Variants in SCAANT1 observed in about 807,000 individuals in gnomAD.
SCAANT1 encodes the protein SCA7/ATXN7 antisense RNA 1.
chr3:63,912,056 G>A (rs1205894226), upstream of SCAANT1: 1 of 152,288 alleles, frequency 6.6e-6, no homozygotes, highest in Non-Finnish European at 1.5e-5. Context: ...CCGGCAAGTG[G>A]GAGGAGGCGG....
At chr3:63,911,894 AG>A (rs1372961763), upstream of SCAANT1, 1 of 152,258 alleles carries the variant, frequency 6.6e-6, no homozygotes, top group Non-Finnish European at 1.5e-5. Context: ...CCGCAAGCCG[AG>A]GGCAAAGTGC....
upstream of SCAANT1, chr3:63,912,039 G>A (rs1250613634): frequency 6.6e-6 from 1 of 152,326 alleles, no homozygotes; most frequent in African/African-American, 2.4e-5. Context: ...GAGCTGAGAG[G>A]GAGGGACCGG....
chr3:63,911,792 A>C (rs975792293), upstream of SCAANT1: 1 of 152,178 alleles, frequency 6.6e-6, no homozygotes, highest in Non-Finnish European at 1.5e-5. Context: ...GACACCTGGG[A>C]GGCACTTCCC....
At chr3:63,912,116 G>T (rs897732145), upstream of SCAANT1, 1 of 152,236 alleles carries the variant, frequency 6.6e-6, no homozygotes. Context: ...CCGCTCGGAC[G>T]GACGCGCGGA....
chr3:63,912,282 G>A (rs1397899311), upstream of SCAANT1: 4 of 152,038 alleles, frequency 2.6e-5, no homozygotes, highest in African/African-American at 9.7e-5. Context: ...GCTGGCCTCC[G>A]CGCCAGGTCC....
chr3:63,912,011 T>G (rs1268984034), upstream of SCAANT1: 2 of 152,130 alleles, frequency 1.3e-5, no homozygotes, highest in East Asian at 3.9e-4. Context: ...GGGCTTGACG[T>G]GCAAACTTCG....
At chr3:63,912,110 TCGGACGGACGCG>T (rs1486944224), upstream of SCAANT1, 1 of 151,968 alleles carries the variant, frequency 6.6e-6, no homozygotes, top group Non-Finnish European at 1.5e-5. Flanking sequence ...GTGCCGCCGC[TCGGACGGACGCG>T]CGGACGGAAG....
chr3:63,911,755 A>G (rs1032877695), exon 1 of SCAANT1: 8 of 152,228 alleles, frequency 5.3e-5, no homozygotes, highest in African/African-American at 1.7e-4. Context: ...TGGCGTGCAC[A>G]CGGTACTTCG....
At chr3:63,911,800 C>G (rs1338846430), upstream of SCAANT1, 1 of 152,288 alleles carries the variant, frequency 6.6e-6, no homozygotes, top group Non-Finnish European at 1.5e-5. Flanking sequence ...GGAGGCACTT[C>G]CCCGCTAGCC....
At chr3:63,911,732 CAT>C (rs1045446355) in exon 1 of SCAANT1, 3 of 152,324 alleles carry the variant, frequency 2.0e-5, no homozygotes, top group Non-Finnish European at 4.4e-5. Flanking sequence ...CGGGGGCACA[CAT>C]GTGGGCGGCG....
At chr3:63,911,949 C>G (rs887780467), upstream of SCAANT1, 2 of 152,520 alleles carry the variant, frequency 1.3e-5, no homozygotes, top group Admixed American at 6.5e-5. Context: ...GCCGGCCGGC[C>G]GGCTCCTCCA....
At chr3:63,911,959 A>G (rs1010089253), upstream of SCAANT1, 1 of 152,100 alleles carries the variant, frequency 6.6e-6, no homozygotes, top group Non-Finnish European at 1.5e-5. Flanking sequence ...CGGCTCCTCC[A>G]TAGGTGGCTG....
At chr3:63,912,087 G>A (rs1704041012), upstream of SCAANT1, 1 of 152,224 alleles carries the variant, frequency 6.6e-6, no homozygotes, top group East Asian at 1.9e-4. Flanking sequence ...CTCCGCTTAA[G>A]GGAGCCGGCC....
At chr3:63,911,811 C>G (rs985440147), upstream of SCAANT1, 1 of 152,272 alleles carries the variant, frequency 6.6e-6, no homozygotes, top group African/African-American at 2.4e-5. Context: ...CCCGCTAGCC[C>G]AAGGTTCCCT....
upstream of SCAANT1, chr3:63,911,872 C>T (rs1704025733): frequency 6.6e-6 from 1 of 152,396 alleles, no homozygotes; most frequent in Admixed American, 6.5e-5. Context: ...CTTTTGACAA[C>T]TCTGCGGCCG....
At chr3:63,912,323 C>G (rs1704054890), upstream of SCAANT1, 1 of 152,646 alleles carries the variant, frequency 6.6e-6, no homozygotes, top group South Asian at 2.1e-4. Flanking sequence ...GGACCCAGCG[C>G]CGCGGTGGCG....
At chr3:63,912,023 C>G (rs1704035922), upstream of SCAANT1, 1 of 152,270 alleles carries the variant, frequency 6.6e-6, no homozygotes. Context: ...CAAACTTCGC[C>G]GGAGCGAGCT....
chr3:63,912,212 C>T (rs1170466377), upstream of SCAANT1: 1 of 152,268 alleles, frequency 6.6e-6, no homozygotes, highest in African/African-American at 2.4e-5. Flanking sequence ...GGGTGCGGCT[C>T]GGGCTTCCCC....
upstream of SCAANT1, chr3:63,912,271 C>T (rs1704051441): frequency 6.6e-6 from 1 of 151,928 alleles, no homozygotes; most frequent in Admixed American, 6.6e-5. Flanking sequence ...GCCGCTCCGG[C>T]GCTGGCCTCC....
Sources: allele counts gnomAD v4.1 joint callset, GRCh38; gene constraint gnomAD v4.1.1; transcripts MANE v1.5; gene names NCBI Gene and HGNC (gene_info 2026-07-23, HGNC 2026-07-21).